The following FRMD4B variants were observed in gnomAD, a reference collection of about 807,000 sequenced individuals.
FRMD4B encodes FERM domain-containing protein 4B.
In FRMD4B, 74 loss-of-function variants were observed where a neutral mutation model predicts 141.5. The ratio of observed to expected loss-of-function variants is 0.52; its 90% CI spans 0.43 to 0.63. The LOEUF is 0.63. FRMD4B is among the 30% of genes least tolerant of loss of function. The pLI is 0.00. For synonymous variants in FRMD4B, 506 were observed against 467.9 expected (o/e 1.08, Z -1.05); for missense variants, 1,366 against 1,253.4 (o/e 1.09, Z -1.36).
At chr3:69,539,713 A>G (rs1018241010) in intron 1 of FRMD4B, among the ~76,000 whole-genome samples, 1 of 152,202 alleles carries the variant, frequency 6.6e-6, no homozygotes, top group Admixed American at 6.5e-5. Context: ...ATGGTTGATT[A>G]ATATTACTTG....
intron 1 of FRMD4B, among the ~76,000 whole-genome samples, chr3:69,444,476 C>A (rs1296724347): frequency 6.6e-6 from 1 of 152,066 alleles, no homozygotes; most frequent in Admixed American, 6.6e-5. Context: ...TGATTATTGA[C>A]ATAAAGTTGT....
chr3:69,285,337 C>G (rs957167736), intron 5 of FRMD4B, among the ~76,000 whole-genome samples: 1 of 137,260 alleles, frequency 7.3e-6, no homozygotes, highest in East Asian at 2.2e-4. Flanking sequence ...TACTATGTGA[C>G]AAGTTCAAGT....
chr3:69,427,255 T>C (rs1705096987), intron 2 of FRMD4B, among the ~76,000 whole-genome samples: 1 of 148,328 alleles, frequency 6.7e-6, no homozygotes, highest in Non-Finnish European at 1.5e-5. Context: ...AATTACATAC[T>C]ATATAAATAT....
chr3:69,523,038 T>C (rs1480703005), intron 1 of FRMD4B, among the ~76,000 whole-genome samples: 4 of 150,108 alleles, frequency 2.7e-5, no homozygotes, highest in Non-Finnish European at 3.0e-5. Flanking sequence ...ATTCACATAC[T>C]CAGAAAAGCA....
At chr3:69,319,866 C>T (rs1387059485) in intron 1 of FRMD4B, among the ~76,000 whole-genome samples, 5 of 152,176 alleles carry the variant, frequency 3.3e-5, no homozygotes, top group Non-Finnish European at 7.3e-5. Flanking sequence ...AAACTTCCCA[C>T]GCAGCCCATT....
At chr3:69,307,200 G>A (rs555294093) in intron 3 of FRMD4B, among the ~76,000 whole-genome samples, 1 of 152,148 alleles carries the variant, frequency 6.6e-6, no homozygotes, top group South Asian at 2.1e-4. Flanking sequence ...CATGACTATA[G>A]TTACCTCCTT....
At chr3:69,319,399 T>C (rs776743588) in intron 1 of FRMD4B, among the ~76,000 whole-genome samples, 4 of 152,208 alleles carry the variant, frequency 2.6e-5, no homozygotes, top group Non-Finnish European at 5.9e-5. Flanking sequence ...GTAATCTATA[T>C]ATTTTCCTAT....
chr3:69,417,248 CTGGTGTGAGA>C (rs1704883221), intron 2 of FRMD4B, among the ~76,000 whole-genome samples: 1 of 152,192 alleles, frequency 6.6e-6, no homozygotes, highest in African/African-American at 2.4e-5. Flanking sequence ...ACCATTCTAA[CTGGTGTGAGA>C]TGGTATCTCA....
chr3:69,189,121 C>T (rs2092806201), intron 18 of FRMD4B, among the ~76,000 whole-genome samples: 1 of 148,678 alleles, frequency 6.7e-6, no homozygotes, highest in Admixed American at 6.9e-5. Flanking sequence ...ACTCGGGAGG[C>T]TGAGGCAGGA....
intron 7 of FRMD4B, among the ~76,000 whole-genome samples, chr3:69,233,701 G>A (rs2093326798): frequency 6.6e-6 from 1 of 152,094 alleles, no homozygotes; most frequent in South Asian, 2.1e-4. Flanking sequence ...CATGACAGGG[G>A]CCTCCCAGGA....
chr3:69,237,250 G>A (rs1013448910), intron 7 of FRMD4B, among the ~76,000 whole-genome samples: 25 of 152,346 alleles, frequency 1.6e-4, no homozygotes, highest in African/African-American at 6.0e-4. Flanking sequence ...GAAACACCCA[G>A]CTGGCTGTGC....
rs149267276 is a variant in FRMD4B, at chr3:69,466,143, G to A, written c.-128-33382C>T. Among the ~76,000 whole-genome samples the A allele has an allele frequency of 6.3e-3, 951 of 152,132 alleles. 6 individuals are homozygous for A. Among genetic ancestry groups the A allele is most frequent in the African/African-American group, 0.021 (883 of 41,478 alleles). On this transcript the variant is annotated intron_variant, in intron 1 of 5. Transcript: ENST00000459638. ...GATTTGCATTTCTCTAATGACCAGC[G>A]ATGATGAGCATTCTTTCATGTGTCT...
At chr3:69,428,345 G>A (rs1356675583) in intron 2 of FRMD4B, among the ~76,000 whole-genome samples, 1 of 148,626 alleles carries the variant, frequency 6.7e-6, no homozygotes, top group Admixed American at 6.6e-5. Context: ...TTCTGCTGGG[G>A]ATTAAATGAG....
chr3:69,211,864 T>C (rs572149422), intron 11 of FRMD4B, among the ~76,000 whole-genome samples: 1 of 152,336 alleles, frequency 6.6e-6, no homozygotes, highest in South Asian at 2.1e-4. Flanking sequence ...CTTTAAATTA[T>C]GCATTCTTTC....
At chr3:69,496,663 G>GAGAC (rs1474511289) in intron 1 of FRMD4B, among the ~76,000 whole-genome samples, 2 of 150,296 alleles carry the variant, frequency 1.3e-5, no homozygotes, top group African/African-American at 4.9e-5. Flanking sequence ...GAGAGAGAGA[G>GAGAC]AGAGAGAGAG....
intron 1 of FRMD4B, among the ~76,000 whole-genome samples, chr3:69,375,393 G>A (rs1703946157): frequency 6.6e-6 from 1 of 151,796 alleles, no homozygotes; most frequent in Non-Finnish European, 1.5e-5. Context: ...TGTTTTTAGT[G>A]CTTTTAAATA....
chr3:69,489,126 G>T (rs1706265577), intron 1 of FRMD4B, among the ~76,000 whole-genome samples: 1 of 151,438 alleles, frequency 6.6e-6, no homozygotes. Context: ...AGAAATATTT[G>T]CAAATCATAT....
intron 1 of FRMD4B, among the ~76,000 whole-genome samples, chr3:69,515,493 T>C (rs1356970361): frequency 6.6e-6 from 1 of 152,212 alleles, no homozygotes; most frequent in Admixed American, 6.5e-5. Context: ...TTCATTTGTA[T>C]CAGTATGGAC....
chr3:69,224,523 A>G, intron 8 of FRMD4B, 84 bp downstream of exon 8: 3 of 720,858 alleles, frequency 4.2e-6, no homozygotes, highest in Non-Finnish European at 7.5e-6. Flanking sequence ...TTTCCCACTT[A>G]TATTTCTTTT....
Sources: gnomAD v4.1 joint callset for allele counts (sites outside exome capture counted in the v4.1 genomes callset) on GRCh38, gnomAD v4.1.1 for gene constraint, MANE v1.5 for transcripts, NCBI Gene and HGNC (gene_info 2026-07-23, HGNC 2026-07-21) for gene names.